SPRED1: variants seen among roughly 807,000 people sequenced by gnomAD.
SPRED1 encodes the protein sprouty related EVH1 domain containing 1, also known as sprouty-related, EVH1 domain-containing protein 1.
SPRED1 carries 18 observed loss-of-function variants against 52.3 expected under a neutral mutation model. That is an observed-to-expected ratio of 0.34 (90% CI 0.24 to 0.51). The LOEUF (loss-of-function observed/expected upper bound fraction) is 0.51, where lower values mean the gene tolerates loss of function less well. Among genes scored for constraint, SPRED1 ranks in the 20% least tolerant of loss-of-function variants. The pLI, the probability that SPRED1 is intolerant of heterozygous loss-of-function variation, is 0.97. For synonymous variants in SPRED1, 155 were observed against 179.7 expected (o/e 0.86, Z 1.10); for missense variants, 485 against 551.0 (o/e 0.88, Z 1.20).
intron 2 of SPRED1, among the ~76,000 whole-genome samples, chr15:38,311,092 A>AT (rs529255248): frequency 2.9e-4 from 44 of 152,118 alleles, no homozygotes; most frequent in Non-Finnish European, 2.1e-4. Flanking sequence ...TCTTGCAGGC[A>AT]TTTTTTATCA....
intron 1 of SPRED1, among the ~76,000 whole-genome samples, chr15:38,289,006 G>A (rs1186319855): frequency 4.6e-5 from 7 of 151,994 alleles, no homozygotes; most frequent in Admixed American, 1.3e-4. Flanking sequence ...AACTTCCTTC[G>A]GAATTTAAAC....
At chr15:38,285,880 A>G (rs943392163) in intron 1 of SPRED1, among the ~76,000 whole-genome samples, 6 of 152,206 alleles carry the variant, frequency 3.9e-5, no homozygotes, top group African/African-American at 1.4e-4. Flanking sequence ...CATCCTTGAA[A>G]TACTAAGCTT....
intron 2 of SPRED1, among the ~76,000 whole-genome samples, chr15:38,315,022 A>G (rs1294504816): frequency 6.6e-6 from 1 of 151,940 alleles, no homozygotes; most frequent in Non-Finnish European, 1.5e-5. Flanking sequence ...AGACAATTGT[A>G]AAAACATGTA....
chr15:38,354,397 A>G lies in SPRED1; in HGVS notation c.*2733A>G, dbSNP rs763774696. 6.6e-6 allele frequency: 1 copy of G among 152,264 alleles called. No individual in the cohort carries two copies. The highest frequency in any genetic ancestry group is 1.5e-5 in the Non-Finnish European group (1 of 68,044). The allele number at this position is 152,264 out of a possible 1,614,324, so 9.4% of individuals were successfully genotyped here. ...ATGGAATCATCTAGACGGCATGACA[A>G]GCAAGACTGGTCTGATGAACTTGTT... On this transcript the variant is annotated 3_prime_UTR_variant, in exon 7 of 7. Transcript: ENST00000299084.
intron 1 of SPRED1, among the ~76,000 whole-genome samples, chr15:38,277,489 A>C (rs980673226): frequency 2.0e-5 from 3 of 152,164 alleles, no homozygotes; most frequent in African/African-American, 7.2e-5. Context: ...CATGGTGTAC[A>C]TGTACCATGT....
rs1212813195 is a variant in SPRED1, at chr15:38,299,506, G to A, written c.166G>A (p.Ala56Thr). Residue 56 changes from alanine to threonine, a missense_variant, in exon 2 of 7, where the codon GCT becomes ACT. By Grantham distance (58) the Ala-to-Thr change is moderately conservative. Coordinates refer to ENST00000299084, the MANE Select transcript of SPRED1 (RefSeq NM_152594.3). ...CCCTCATCAGGAAGAGAATGGCTGT[G>A]CTGACTTTTTTATCCGTGGAGAGCG... is the stretch of plus-strand genomic sequence containing the variant. ...KVPHQEENGC[A>T]DFFIRGERLR... 6.2e-7 allele frequency: 1 copy of A among 1,613,908 alleles called. No homozygotes were observed. Among genetic ancestry groups the A allele is most frequent in the African/African-American group, 1.3e-5 (1 of 74,906 alleles).
In SPRED1 at chr15:38,317,534, C is replaced by CATTGA. The variant is rs1283957068; in HGVS notation, c.208-4705_208-4701dup. Among the ~76,000 whole-genome samples, 8 of 151,952 alleles carry CATTGA rather than the reference C, an allele frequency of 5.3e-5. No individual in the cohort carries two copies. The East Asian group carries it at 1.5e-3, about 29-fold the overall frequency. On this transcript the variant is annotated intron_variant, in intron 2 of 6. Coordinates refer to ENST00000299084, the MANE Select transcript of SPRED1 (RefSeq NM_152594.3). ...GCCAATCTCAAATATGGTAATTCAG[C>CATTGA]ATTGAACTCTGCTTCCTGTATGATT...
rs370077574 is a variant in SPRED1, at chr15:38,253,233, A to G, written c.32+16A>G. 5 of 1,567,412 alleles carry G rather than the reference A, an allele frequency of 3.2e-6. No homozygotes were observed. In the African/African-American group the frequency reaches 5.4e-5, roughly 17 times the overall value. ...CTGACAACGAGTAAGCGCCTCATTG[A>G]TCTCGATTGCTAATCCCCCTCCCCC... is the stretch of plus-strand genomic sequence containing the variant. On this transcript the variant is annotated intron_variant, in intron 1 of 6. Transcript: ENST00000299084.
rs1421913267 is a variant in SPRED1, at chr15:38,299,390, T to C, written c.50T>C (p.Val17Ala). The C allele has an allele frequency of 6.2e-7, 1 of 1,613,918 alleles. No individual in the cohort carries two copies. Among genetic ancestry groups the C allele is most frequent in the Admixed American group, 1.7e-5 (1 of 59,978 alleles). The change falls in exon 2 of 7, where the codon GTG (valine) becomes GCG (alanine). Residue 17 changes from valine (V) to alanine (A), a missense_variant. Physicochemically the swap from Val to Ala is moderately conservative, Grantham distance 64 (BLOSUM62 0). Transcript: ENST00000299084. ...TSDNDNSYAR[V>A]RAVVMTRDDS... ...TATTTTAGTAATAGTTATGCACGAG[T>C]GCGAGCTGTGGTGATGACCCGAGAT...
chr15:38,259,941 T>C (rs958805962), intron 1 of SPRED1, among the ~76,000 whole-genome samples: 3 of 152,212 alleles, frequency 2.0e-5, no homozygotes, highest in African/African-American at 7.2e-5. Context: ...TAAGGTATTA[T>C]GTTGCTGTAG....
intron 2 of SPRED1, among the ~76,000 whole-genome samples, chr15:38,313,042 A>C (rs1409984455): frequency 1.3e-5 from 2 of 151,886 alleles, no homozygotes; most frequent in Admixed American, 1.3e-4. Flanking sequence ...ATACACAAAA[A>C]ACACTTTTTT....
At chr15:38,273,427 T>G (rs1290792200) in intron 1 of SPRED1, among the ~76,000 whole-genome samples, 5 of 151,602 alleles carry the variant, frequency 3.3e-5, no homozygotes, top group African/African-American at 1.2e-4. Flanking sequence ...TAAAGATTTA[T>G]TGTCTGTTAA....
intron 1 of SPRED1, among the ~76,000 whole-genome samples, chr15:38,268,809 C>T (rs1443687453): frequency 6.6e-6 from 1 of 152,096 alleles, no homozygotes; most frequent in African/African-American, 2.4e-5. Context: ...CTGTTCATTC[C>T]TTAATAGTAA....
chr15:38,300,831 T>C (rs573922497), intron 2 of SPRED1, among the ~76,000 whole-genome samples: 1 of 152,158 alleles, frequency 6.6e-6, no homozygotes, highest in Non-Finnish European at 1.5e-5. Context: ...CATATACTAA[T>C]GCTTTTTTAA....
At chr15:38,269,816 A>G (rs1355491704) in intron 1 of SPRED1, among the ~76,000 whole-genome samples, 1 of 151,920 alleles carries the variant, frequency 6.6e-6, no homozygotes, top group East Asian at 1.9e-4. Flanking sequence ...GAGGAGTTAA[A>G]TTTTAAATTT....
intron 1 of SPRED1, among the ~76,000 whole-genome samples, chr15:38,276,977 G>A (rs1170478613): frequency 1.3e-5 from 2 of 152,150 alleles, no homozygotes; most frequent in Non-Finnish European, 2.9e-5. Flanking sequence ...ATAATAGCAG[G>A]CTAATGCTTG....
chr15:38,344,851 G>C (rs1896099554), intron 5 of SPRED1, among the ~76,000 whole-genome samples: 1 of 151,968 alleles, frequency 6.6e-6, no homozygotes. Context: ...GAGAAACAAG[G>C]GTTATATTAT....
intron 1 of SPRED1, among the ~76,000 whole-genome samples, chr15:38,264,278 C>T (rs565657073): frequency 1.6e-4 from 25 of 152,308 alleles, no homozygotes; most frequent in African/African-American, 6.0e-4. Context: ...GAGATTCAAA[C>T]TGCACAGTAT....
chr15:38,354,846 TC>T lies in SPRED1; in HGVS notation c.*3184del, dbSNP rs1888576923. ...AGCCATTACCAAAATGGTATTTTTT[TC>T]CTCCTTCCGCCAGTCAGGGAGAATT... On this transcript the variant is annotated 3_prime_UTR_variant, in exon 7 of 7. Coordinates refer to ENST00000299084, the MANE Select transcript of SPRED1 (RefSeq NM_152594.3). 6.6e-6 allele frequency: 1 copy of T among 152,200 alleles called. No individual in the cohort carries two copies. The highest frequency in any genetic ancestry group is 1.5e-5 in the Non-Finnish European group (1 of 68,038). The allele number at this position is 152,200 out of a possible 1,614,324, so 9.4% of individuals were successfully genotyped here.
Sources: gnomAD v4.1 joint callset for allele counts (sites outside exome capture counted in the v4.1 genomes callset) on GRCh38, gnomAD v4.1.1 for gene constraint, MANE v1.5 for transcripts, NCBI Gene and HGNC (gene_info 2026-07-23, HGNC 2026-07-21) for gene names.